Variants in ZW10 observed in about 807,000 individuals in gnomAD.
The protein encoded by ZW10 is centromere/kinetochore protein zw10 homolog.
Under a neutral mutation model 87.8 loss-of-function variants are expected in ZW10, and 53 were observed. The ratio of observed to expected loss-of-function variants is 0.60; its 90% CI spans 0.48 to 0.76. The LOEUF (loss-of-function observed/expected upper bound fraction) is 0.76. Ranked by LOEUF, ZW10 falls within the 30% of genes least tolerant of loss-of-function variation. ZW10 has a pLI of 0.00. For missense variants in ZW10, 837 were observed against 923.0 expected, an observed-to-expected ratio of 0.91 and a Z score of 1.21; for synonymous variants, 312 against 329.2, an observed-to-expected ratio of 0.95 and a Z score of 0.57.
At chr11:113,740,462 T>G (rs554492141) in intron 11 of ZW10, among the ~76,000 whole-genome samples, 16 of 152,200 alleles carry the variant, frequency 1.1e-4, no homozygotes, top group African/African-American at 3.6e-4. Context: ...TGTGTGCCTG[T>G]GGTCCCAGCT....
intron 1 of ZW10, chr11:113,770,400 T>C (rs1953951406): frequency 6.6e-6 from 1 of 151,838 alleles, no homozygotes; most frequent in African/African-American, 2.4e-5. Flanking sequence ...AATTTTTTTT[T>C]TTTTTTTTTT....
Position 113,744,162 on chromosome 11 carries a change from C to T in ZW10, c.1273-122G>A, listed in dbSNP as rs1318939920. On this transcript the variant is annotated intron_variant, in intron 9 of 15. Coordinates refer to ENST00000200135, the MANE Select transcript of ZW10 (RefSeq NM_004724.4). The stretch of plus-strand genomic sequence containing the variant: ...CAGCACTTTGGGAGGCCGAGGCGGG[C>T]AGATCACGAGGTCAGGAGATCGAGA... The T allele has an allele frequency of 1.4e-5, 10 of 724,122 alleles. No individual in the cohort carries two copies. In the African/African-American group the frequency reaches 1.6e-4, roughly 12 times the overall value. The allele number at this position is 724,122 out of a possible 1,614,324, so 44.9% of individuals were successfully genotyped here. A position where few individuals can be genotyped will look rare whatever the true frequency, so the allele number is the denominator to read the frequency against.
chr11:113,741,711 A>G lies in ZW10; in HGVS notation c.1566T>C (p.Val522=). 2 of 1,606,694 alleles carry G rather than the reference A, an allele frequency of 1.2e-6. No individual in the cohort carries two copies. The highest frequency in any genetic ancestry group is 3.3e-4 in the Middle Eastern group (2 of 6,024). The stretch of plus-strand genomic sequence containing the variant: ...GTACTTACTTGTGATATGTTGGTAC[A>G]ACATCATGGAACAAATGGAAGATAT... ...VRNIFHLFHD[V]VPTYHKENLQ... is the part of the protein sequence containing the mutation. The change falls in exon 11 of 16, where the codon GTT becomes GTC. Residue 522 remains valine (V), a synonymous_variant. Coordinates refer to ENST00000200135, the MANE Select transcript of ZW10 (RefSeq NM_004724.4).
chr11:113,739,103 A>G, intron 12 of ZW10, 110 bp downstream of exon 12: 1 of 1,213,180 alleles, frequency 8.2e-7, no homozygotes. Flanking sequence ...TTTCTGATAC[A>G]GCTCAGGACC....
At chr11:113,760,683 C>T (rs11214719) in intron 3 of ZW10, 93 bp from the exon 4 acceptor site, 2 of 1,117,018 alleles carry the variant, frequency 1.8e-6, no homozygotes, top group Non-Finnish European at 2.5e-6. Context: ...CCCTCCCCCT[C>T]CCCCCTCTAA....
At chr11:113,770,736 T>TGAACC (rs1249913777) in intron 1 of ZW10, among the ~76,000 whole-genome samples, 4 of 150,268 alleles carry the variant, frequency 2.7e-5, no homozygotes, top group Non-Finnish European at 5.9e-5. Context: ...GAGAATCACT[T>TGAACC]GAACCTAGAA....
At chr11:113,758,174 C>CA (rs140640693) in intron 6 of ZW10, among the ~76,000 whole-genome samples, 13,787 of 145,306 alleles carry the variant, frequency 0.095, 649 homozygotes, top group Middle Eastern at 0.19. Context: ...AACTCCATCT[C>CA]AAAAAAAAAC....
intron 2 of ZW10, among the ~76,000 whole-genome samples, chr11:113,762,900 T>C (rs1030790504): frequency 1.3e-5 from 2 of 152,170 alleles, no homozygotes; most frequent in African/African-American, 4.8e-5. Context: ...TGTGTTTTTA[T>C]TTCTTCTAAA....
intron 11 of ZW10, among the ~76,000 whole-genome samples, chr11:113,740,685 A>G (rs1431308913): frequency 6.6e-6 from 1 of 152,228 alleles, no homozygotes; most frequent in African/African-American, 2.4e-5. Flanking sequence ...GTGGTTCTCA[A>G]AATGTGGTCC....
intron 7 of ZW10, among the ~76,000 whole-genome samples, chr11:113,755,771 C>T (rs555647759): frequency 6.6e-6 from 1 of 152,274 alleles, no homozygotes; most frequent in South Asian, 2.1e-4. Context: ...CGCAGCCATC[C>T]AACCTTCAGC....
intron 1 of ZW10, chr11:113,769,895 G>T: frequency 3.1e-6 from 1 of 317,572 alleles, no homozygotes; most frequent in South Asian, 2.9e-5. Flanking sequence ...CACCTGAAAT[G>T]AGGCTTCCCT....
Position 113,747,515 on chromosome 11 carries a change from A to G in ZW10, c.1272+16T>C. ...ATATACAATGTTTCATATACAATGC[A>G]ATATAACACTGGTACCTTCACAGTG... is the stretch of plus-strand genomic sequence containing the variant. On this transcript the variant is annotated intron_variant, in intron 9 of 15. Coordinates refer to ENST00000200135, the MANE Select transcript of ZW10 (RefSeq NM_004724.4). 1 of 1,602,062 alleles carries G rather than the reference A, an allele frequency of 6.2e-7. No individual in the cohort carries two copies. The highest frequency in any genetic ancestry group is 8.5e-7 in the Non-Finnish European group (1 of 1,172,054).
At chr11:113,757,548 C>T in intron 7 of ZW10, 114 bp downstream of exon 7, 1 of 881,160 alleles carries the variant, frequency 1.1e-6, no homozygotes, top group Non-Finnish European at 1.6e-6. Context: ...AATTTACTTA[C>T]TTTTCATCCT....
intron 15 of ZW10, among the ~76,000 whole-genome samples, chr11:113,734,731 G>A (rs942170936): frequency 2.6e-5 from 4 of 152,052 alleles, no homozygotes; most frequent in Middle Eastern, 3.4e-3. Flanking sequence ...CTGGAGCGTG[G>A]GAGGCAGAGG....
At chr11:113,756,070 ATC>A (rs1304306299) in intron 7 of ZW10, among the ~76,000 whole-genome samples, 1 of 152,204 alleles carries the variant, frequency 6.6e-6, no homozygotes, top group Non-Finnish European at 1.5e-5. Flanking sequence ...AACCCGCAAT[ATC>A]TCTGAGGTAT....
intron 7 of ZW10, among the ~76,000 whole-genome samples, chr11:113,752,335 C>T (rs2513591): frequency 0.88 from 133,330 of 152,098 alleles, 59,312 homozygotes; most frequent in East Asian, 0.95. Flanking sequence ...CTGAATTGTG[C>T]CCCTGCCCAA....
At chr11:113,772,055 TA>T (rs1565290445) in intron 1 of ZW10, among the ~76,000 whole-genome samples, 1 of 152,126 alleles carries the variant, frequency 6.6e-6, no homozygotes, top group Non-Finnish European at 1.5e-5. Context: ...GATTTTTTTT[TA>T]TGCAGGAGAC....
Position 113,737,716 on chromosome 11 carries a change from A to G in ZW10, c.1885-13T>C. 6.3e-7 allele frequency: 1 copy of G among 1,581,460 alleles called. No individual in the cohort carries two copies. Among genetic ancestry groups the G allele is most frequent in the South Asian group, 1.1e-5 (1 of 87,514 alleles). Reference sequence around the variant, plus strand: ...GTTGGTGCAGTACCTGTAGAAGAATACAGCTATTTACGTGGAAGAAAGATT... The same window carrying G: ...GTTGGTGCAGTACCTGTAGAAGAATGCAGCTATTTACGTGGAAGAAAGATT... On this transcript the variant is annotated splice_polypyrimidine_tract_variant and intron_variant, in intron 13 of 15. Coordinates refer to ENST00000200135, the MANE Select transcript of ZW10 (RefSeq NM_004724.4).
At chr11:113,750,899 A>G (rs1472938040) in intron 7 of ZW10, among the ~76,000 whole-genome samples, 1 of 152,042 alleles carries the variant, frequency 6.6e-6, no homozygotes, top group African/African-American at 2.4e-5. Flanking sequence ...AGGAAAGGAT[A>G]TATTTTTTAA....
Sources: gnomAD v4.1 joint callset for allele counts (sites outside exome capture counted in the v4.1 genomes callset) on GRCh38, gnomAD v4.1.1 for gene constraint, MANE v1.5 for transcripts, NCBI Gene and HGNC (gene_info 2026-07-23, HGNC 2026-07-21) for gene names.